The following ABR variants were observed in gnomAD, a reference collection of about 807,000 sequenced individuals.
ABR encodes active breakpoint cluster region-related protein.
Under a neutral mutation model 107.2 loss-of-function variants are expected in ABR, and 35 were observed. That is an observed-to-expected ratio of 0.33 (90% CI 0.25 to 0.43). The LOEUF is 0.43. Ranked by LOEUF, ABR falls within the 20% of genes least tolerant of loss-of-function variation. ABR has a pLI of 1.00. For synonymous variants in ABR, 498 were observed against 462.0 expected, an observed-to-expected ratio of 1.08 and a Z score of -1.00; for missense variants, 815 against 1,115.2, an observed-to-expected ratio of 0.73 and a Z score of 3.83.
chr17:1,157,663 G>A lies in ABR; in HGVS notation c.61+22004C>T, dbSNP rs1310753786. On this transcript the variant is annotated intron_variant, in intron 1 of 22. Transcript: ENST00000302538. The surrounding 1 kb of genome is among the most constrained non-coding windows in gnomAD (Gnocchi z 4.7). ...GCTGGAACACGCCCAGCGGAACAGG[G>A]GGAAGCCAACAATCCCGGCAGATGA... Among the ~76,000 whole-genome samples, 1 of 152,240 alleles carries A rather than the reference G, an allele frequency of 6.6e-6. No homozygotes were observed. The highest frequency in any genetic ancestry group is 1.5e-5 in the Non-Finnish European group (1 of 68,042).
rs559527377 is a variant in ABR at position 1,200,265 on chromosome 17, C to T, written c.838+28528G>A. ...GAGATAAGTTAAAGTACACGGGGGT[C>T]GGGGGCAGGCATGGTGACTCACGCC... is the stretch of plus-strand genomic sequence containing the variant. On this transcript the variant is annotated intron_variant, in intron 1 of 22. Transcript: ENST00000574139. This position sits in a 1 kb window ranked among gnomAD's most constrained non-coding sequence, Gnocchi z 4.1. 4.3e-4 allele frequency among the ~76,000 whole-genome samples: 65 copies of T among 152,096 alleles called. No individual in the cohort carries two copies. The highest frequency in any genetic ancestry group is 1.5e-3 in the African/African-American group (63 of 41,490).
intron 1 of ABR, among the ~76,000 whole-genome samples, chr17:1,138,508 C>T (rs1330624098): frequency 6.6e-6 from 1 of 152,000 alleles, no homozygotes; most frequent in East Asian, 1.9e-4. Context: ...GACAGAGTCT[C>T]GCTCTGTTGC....
chr17:1,190,569 A>G (rs34668376), upstream of ABR, among the ~76,000 whole-genome samples: 86,278 of 152,082 alleles, frequency 0.57, 27,642 homozygotes, highest in Middle Eastern at 0.73. Context: ...AGAAGGCGGA[A>G]GTGGAGGTTG....
At chr17:1,153,910 TG>T in intron 1 of ABR, 1 of 186,562 alleles carries the variant, frequency 5.4e-6, no homozygotes, top group Admixed American at 6.3e-5. Context: ...CTCACTGGTT[TG>T]AAGCCTGGTG....
At chr17:1,111,484 C>G (rs1483754934) in intron 2 of ABR, among the ~76,000 whole-genome samples, 1 of 151,014 alleles carries the variant, frequency 6.6e-6, no homozygotes, top group Non-Finnish European at 1.5e-5. Flanking sequence ...CAGCCCTGGA[C>G]CTGAGCTCCA....
intron 1 of ABR, among the ~76,000 whole-genome samples, chr17:1,137,441 TCA>T (rs1294167887): frequency 1.8e-5 from 1 of 55,256 alleles, no homozygotes. Context: ...TTTTTGTGTC[TCA>T]GGGAATAGGG....
At chr17:1,161,115 T>C (rs1198063625) in intron 1 of ABR, among the ~76,000 whole-genome samples, 3 of 150,816 alleles carry the variant, frequency 2.0e-5, no homozygotes, top group African/African-American at 7.3e-5. Context: ...CCAGCACCTA[T>C]CCTGGGAAGG....
intron 2 of ABR, among the ~76,000 whole-genome samples, chr17:1,121,025 C>T (rs1370871779): frequency 2.0e-5 from 3 of 152,368 alleles, no homozygotes; most frequent in African/African-American, 7.2e-5. Flanking sequence ...GCCCTTTCTT[C>T]TCAGAGTGAA....
chr17:1,048,610 C>T (rs2032005955), intron 16 of ABR, among the ~76,000 whole-genome samples: 1 of 133,322 alleles, frequency 7.5e-6, no homozygotes, highest in East Asian at 2.0e-4. Flanking sequence ...TCAAGAAGCT[C>T]GGCGCCCAGC....
intron 5 of ABR, 173 bp downstream of exon 5, chr17:1,083,347 C>T (rs562833752): frequency 3.8e-5 from 11 of 289,586 alleles, no homozygotes; most frequent in Non-Finnish European, 6.6e-5. Context: ...TAAAATAGAT[C>T]GTTTTCTATT....
intron 1 of ABR, among the ~76,000 whole-genome samples, chr17:1,160,578 T>C (rs961681783): frequency 1.1e-4 from 16 of 152,248 alleles, no homozygotes; most frequent in African/African-American, 3.9e-4. Flanking sequence ...GTTCAGGCAC[T>C]GTTCCAGGTG....
intron 1 of ABR, among the ~76,000 whole-genome samples, chr17:1,207,956 A>G (rs2042827347): frequency 6.6e-6 from 1 of 151,918 alleles, no homozygotes; most frequent in African/African-American, 2.4e-5. Context: ...TTTTTAGTAG[A>G]GATGGGGTTT....
chr17:1,006,456 CG>C (rs1365635926), intron 22 of ABR, among the ~76,000 whole-genome samples: 1 of 152,194 alleles, frequency 6.6e-6, no homozygotes, highest in Admixed American at 6.5e-5. Context: ...GGAAGCCTCC[CG>C]CCCTTGGAAG....
intron 16 of ABR, among the ~76,000 whole-genome samples, chr17:1,040,207 G>C (rs560332399): frequency 6.6e-6 from 1 of 152,126 alleles, no homozygotes; most frequent in Non-Finnish European, 1.5e-5. Flanking sequence ...GGACGCACGC[G>C]CAGGACCCTC....
chr17:1,108,785 C>G (rs916867205), intron 2 of ABR: 19 of 1,030,124 alleles, frequency 1.8e-5, no homozygotes, highest in Non-Finnish European at 2.4e-5. Flanking sequence ...CCGCCCCTCT[C>G]CCCCGGGAAC....
At chr17:1,023,417 A>G (rs1327880139) in intron 16 of ABR, among the ~76,000 whole-genome samples, 2 of 152,224 alleles carry the variant, frequency 1.3e-5, no homozygotes, top group Non-Finnish European at 2.9e-5. Context: ...TGGAGGCTTC[A>G]GCTTCAGCTC....
At chr17:1,203,416 C>CG (rs1398738581) in intron 1 of ABR, among the ~76,000 whole-genome samples, 2 of 59,928 alleles carry the variant, frequency 3.3e-5, no homozygotes, top group Non-Finnish European at 2.8e-5. Flanking sequence ...GCGGAGTCTG[C>CG]GGGGGCGGGG....
At chr17:1,198,325 T>C (rs964359685) in intron 1 of ABR, among the ~76,000 whole-genome samples, 1 of 151,634 alleles carries the variant, frequency 6.6e-6, no homozygotes, top group Non-Finnish European at 1.5e-5. Flanking sequence ...GAGCTGCTGC[T>C]GATTTTTAGT....
Position 1,009,722 on chromosome 17 carries a change from G to T in ABR, c.2299C>A (p.Pro767Thr). ...AGGAAGAGGAAGGTGATGAGGTTGG[G>T]GTCGGGCAGGGAGCGGAGCAGGTGC... The part of the protein sequence containing the change: ...MMHLLRSLPD[P>T]NLITFLFLLE... The change falls in exon 21 of 23, where the codon CCC becomes ACC. Residue 767 changes from proline (P) to threonine (T), a missense_variant. Pro to Thr is a conservative substitution (Grantham distance 38). Coordinates refer to ENST00000302538, the MANE Select transcript of ABR (RefSeq NM_021962.5). 6.2e-7 allele frequency: 1 copy of T among 1,614,186 alleles called. No individual in the cohort carries two copies. The highest frequency in any genetic ancestry group is 8.5e-7 in the Non-Finnish European group (1 of 1,180,028).
Sources: allele counts gnomAD v4.1 joint callset (sites outside exome capture counted in the v4.1 genomes callset), GRCh38; gene constraint gnomAD v4.1.1; non-coding constraint Gnocchi (gnomAD v3.1); transcripts MANE v1.5; gene names NCBI Gene and HGNC (gene_info 2026-07-23, HGNC 2026-07-21).